Variants in AP5M1 observed in about 807,000 individuals in gnomAD.
AP5M1 encodes the protein AP-5 complex subunit mu-1.
AP5M1 carries 44 observed loss-of-function variants against 52.3 expected under a neutral mutation model. The observed-to-expected ratio is 0.84, with a 90% confidence interval of 0.66 to 1.08. AP5M1 has a LOEUF of 1.08. Among genes scored for constraint, AP5M1 ranks in the 50% least tolerant of loss-of-function variants. The pLI is 0.00. For missense variants in AP5M1, 526 were observed against 568.4 expected, an observed-to-expected ratio of 0.93 and a Z score of 0.76; for synonymous variants, 213 against 199.0, an observed-to-expected ratio of 1.07 and a Z score of -0.59.
chr14:57,270,794 A>G (rs1884877294), intron 1 of AP5M1, among the ~76,000 whole-genome samples: 1 of 152,068 alleles, frequency 6.6e-6, no homozygotes. Context: ...CATTGTATGC[A>G]TTTTTCAAAT....
Position 57,297,257 on chromosome 14 carries a change from A to G in AP5M1, c.*8373A>G, listed in dbSNP as rs925767479. On this transcript the variant is annotated 3_prime_UTR_variant, in exon 8 of 8. Coordinates refer to ENST00000261558, the MANE Select transcript of AP5M1 (RefSeq NM_018229.4). ...CTAAATTAAATACAAAAAAACTCCT[A>G]CATACTAACTATATGTTTCTCCCAC... The G allele has an allele frequency of 6.6e-6, 1 of 152,050 alleles. No individual in the cohort carries two copies. Among genetic ancestry groups the G allele is most frequent in the African/African-American group, 2.4e-5 (1 of 41,422 alleles). 9.4% of individuals were successfully genotyped at this position (152,050 alleles called of 1,614,324 possible).
At position 57,282,147 on chromosome 14, in the gene AP5M1, G is replaced by A. The variant is rs747585708; in HGVS notation, c.1007G>A (p.Arg336Lys). Residue 336 changes from arginine to lysine, a missense_variant, in exon 4 of 8, where the codon AGA becomes AAA. By Grantham distance (26) the Arg-to-Lys change is conservative. Coordinates refer to ENST00000261558, the MANE Select transcript of AP5M1 (RefSeq NM_018229.4). Reference sequence around the variant, plus strand: ...ATGAAGGAGGAAGAAGTACAACTAAGAATAACCATTAATTTAAAACTTCAT... The same window carrying A: ...ATGAAGGAGGAAGAAGTACAACTAAAAATAACCATTAATTTAAAACTTCAT... The part of the protein sequence containing the change: ...YQMKEEEVQL[R>K]ITINLKLHES... The A allele has an allele frequency of 1.3e-6, 2 of 1,583,722 alleles. No individual in the cohort carries two copies. The highest frequency in any genetic ancestry group is 3.7e-5 in the Admixed American group (2 of 53,444).
At chr14:57,277,083 C>A (rs1393887226) in intron 2 of AP5M1, among the ~76,000 whole-genome samples, 1 of 151,480 alleles carries the variant, frequency 6.6e-6, no homozygotes, top group Non-Finnish European at 1.5e-5. Context: ...GAAAGTTACA[C>A]AATTTTGTGA....
Position 57,290,496 on chromosome 14 carries a change from T to C in AP5M1, c.*1612T>C, listed in dbSNP as rs1161096818. On this transcript the variant is annotated 3_prime_UTR_variant, in exon 8 of 8. Coordinates refer to ENST00000261558, the MANE Select transcript of AP5M1 (RefSeq NM_018229.4). ...ATGGAGCCATTTGGAATCTTGATTG[T>C]ATAAATGTTTACCAAATACACTAAG... 6.6e-6 allele frequency: 1 copy of C among 151,982 alleles called. No homozygotes were observed. Among genetic ancestry groups the C allele is most frequent in the Non-Finnish European group, 1.5e-5 (1 of 67,930 alleles). 9.4% of individuals were successfully genotyped at this position (151,982 alleles called of 1,614,324 possible).
chr14:57,273,594 C>G (rs1263058555), intron 1 of AP5M1: 1 of 578,812 alleles, frequency 1.7e-6, no homozygotes, highest in African/African-American at 1.9e-5. Context: ...GCTTACAGTT[C>G]AACTCAGAAT....
At chr14:57,278,924 G>A (rs899101203) in intron 2 of AP5M1, among the ~76,000 whole-genome samples, 10 of 152,086 alleles carry the variant, frequency 6.6e-5, no homozygotes, top group African/African-American at 2.4e-4. Flanking sequence ...CAAAAAACAT[G>A]ATAAAAAGCT....
rs1387363288 is a variant in AP5M1 at position 57,274,416 on chromosome 14, A to G, written c.247A>G (p.Ile83Val). The G allele has an allele frequency of 1.1e-5, 17 of 1,614,136 alleles. No homozygotes were observed. Among genetic ancestry groups the G allele is most frequent in the South Asian group, 3.3e-5 (3 of 91,078 alleles). Residue 83 changes from isoleucine to valine, a missense_variant, in exon 2 of 8, where the codon ATT (isoleucine) becomes GTT (valine). By Grantham distance (29) the Ile-to-Val change is conservative (BLOSUM62 3). Transcript: ENST00000261558. ...CTGTTCACGCATCAATAAAACATCC[A>G]TTTATGGACTCCTGATAGGAGGTGA... ...DSCSRINKTS[I>V]YGLLIGGEEL...
chr14:57,280,381 C>T lies in AP5M1; in HGVS notation c.907C>T (p.Pro303Ser), dbSNP rs1885142741. The T allele has an allele frequency of 2.5e-6, 4 of 1,613,698 alleles. No individual in the cohort carries two copies. The highest frequency in any genetic ancestry group is 2.2e-5 in the South Asian group (2 of 91,078). ...FSGPYKFPFT[P>S]PLESFNLCFY... ...TGGGCCTTACAAATTTCCATTCACTCCACCTTTAGAGTCATTCAACTTATG... is the reference window on the plus strand; with the variant it reads ...TGGGCCTTACAAATTTCCATTCACTTCACCTTTAGAGTCATTCAACTTATG... The change falls in exon 3 of 8, where the codon CCA becomes TCA. Residue 303 changes from proline (P) to serine (S), a missense_variant. Transcript: ENST00000261558.
At chr14:57,279,461 T>C (rs893566193) in intron 2 of AP5M1, among the ~76,000 whole-genome samples, 6 of 152,074 alleles carry the variant, frequency 3.9e-5, no homozygotes, top group Non-Finnish European at 8.8e-5. Context: ...TTGTCACTTA[T>C]AAGTGGGAGC....
intron 2 of AP5M1, among the ~76,000 whole-genome samples, chr14:57,276,092 T>TA (rs1236545175): frequency 6.6e-6 from 1 of 152,152 alleles, no homozygotes; most frequent in Non-Finnish European, 1.5e-5. Context: ...TGTTTAACGT[T>TA]AAAGTTACCT....
intron 1 of AP5M1, among the ~76,000 whole-genome samples, chr14:57,271,683 A>G (rs1311054277): frequency 1.3e-5 from 2 of 152,200 alleles, no homozygotes; most frequent in Non-Finnish European, 2.9e-5. Flanking sequence ...TTTTGATGCA[A>G]TCAAACTAGT....
intron 2 of AP5M1, among the ~76,000 whole-genome samples, chr14:57,275,636 A>G (rs1055297638): frequency 2.0e-5 from 3 of 152,188 alleles, no homozygotes; most frequent in African/African-American, 7.2e-5. Flanking sequence ...GTAATGTCAA[A>G]TAACTTCAGA....
At position 57,292,934 on chromosome 14, in the gene AP5M1, A is replaced by G. The variant is rs752215413; in HGVS notation, c.*4050A>G. 1 of 151,664 alleles carries G rather than the reference A, an allele frequency of 6.6e-6. No individual in the cohort carries two copies. The highest frequency in any genetic ancestry group is 2.4e-5 in the African/African-American group (1 of 41,378). 9.4% of individuals were successfully genotyped at this position (151,664 alleles called of 1,614,324 possible). ...AGGAGCTTCTTGTGTTTCCATTATA[A>G]GAATAATTGCATTCATTTTCAGAAT... On this transcript the variant is annotated 3_prime_UTR_variant, in exon 8 of 8. Coordinates refer to ENST00000261558, the MANE Select transcript of AP5M1 (RefSeq NM_018229.4).
Position 57,294,052 on chromosome 14 carries a change from A to G in AP5M1, c.*5168A>G, listed in dbSNP as rs1469124873. 2 of 151,828 alleles carry G rather than the reference A, an allele frequency of 1.3e-5. No homozygotes were observed. Among genetic ancestry groups the G allele is most frequent in the Non-Finnish European group, 2.9e-5 (2 of 67,810 alleles). The allele number at this position is 151,828 out of a possible 1,614,324, so 9.4% of individuals were successfully genotyped here. On this transcript the variant is annotated 3_prime_UTR_variant, in exon 8 of 8. Transcript: ENST00000261558. ...ATGGATATAACATTAGTGTTTGTGT[A>G]TAGCCTGGAACAATACAAGGCTGTA...
intron 1 of AP5M1, among the ~76,000 whole-genome samples, chr14:57,272,711 T>C (rs1022352648): frequency 8.5e-5 from 13 of 152,152 alleles, no homozygotes; most frequent in African/African-American, 3.1e-4. Context: ...GACTAGAGTT[T>C]AGTCCAGAGA....
chr14:57,287,256 T>G lies in AP5M1; in HGVS notation c.1390+937T>G, dbSNP rs1885332145. Among the ~76,000 whole-genome samples, 2 of 152,116 alleles carry G rather than the reference T, an allele frequency of 1.3e-5. 1 individual carries two copies. The highest frequency in any genetic ancestry group is 4.1e-4 in the South Asian group (2 of 4,832). ...TTATTATTATAGTTAGATAAATATT[T>G]CTTAAACTAAGGATTAGGGTTCCTA... is the stretch of plus-strand genomic sequence containing the variant. On this transcript the variant is annotated intron_variant, in intron 7 of 7. Transcript: ENST00000261558.
In AP5M1 at chr14:57,296,920, A is replaced by G. The variant is rs1885565473; in HGVS notation, c.*8036A>G. 1 of 152,070 alleles carries G rather than the reference A, an allele frequency of 6.6e-6. No individual in the cohort carries two copies. The highest frequency in any genetic ancestry group is 1.5e-5 in the Non-Finnish European group (1 of 67,994). The allele number at this position is 152,070 out of a possible 1,614,324, so 9.4% of individuals were successfully genotyped here. A position where few individuals can be genotyped will look rare whatever the true frequency, so the allele number is the denominator to read the frequency against. ...CTGCAGTGTATTAGCATTGTAGCGT[A>G]GGAGACTATTTCTGTATGTTATTAG... On this transcript the variant is annotated 3_prime_UTR_variant, in exon 8 of 8. Transcript: ENST00000261558.
Position 57,290,557 on chromosome 14 carries a change from G to T in AP5M1, c.*1673G>T, listed in dbSNP as rs2139700188. On this transcript the variant is annotated 3_prime_UTR_variant, in exon 8 of 8. Transcript: ENST00000261558. ...GGCATTTATCTAGTGAGTAGGCAAAGATTTAATATAATAATCCCCTAGGCA... is the reference window on the plus strand; with the variant it reads ...GGCATTTATCTAGTGAGTAGGCAAATATTTAATATAATAATCCCCTAGGCA... The T allele has an allele frequency of 6.6e-6, 1 of 151,970 alleles. No individual in the cohort carries two copies. The highest frequency in any genetic ancestry group is 2.1e-4 in the South Asian group (1 of 4,822). The allele number at this position is 151,970 out of a possible 1,614,324, so 9.4% of individuals were successfully genotyped here.
intron 3 of AP5M1, among the ~76,000 whole-genome samples, chr14:57,281,788 G>A (rs1229123328): frequency 6.6e-6 from 1 of 152,242 alleles, no homozygotes; most frequent in Non-Finnish European, 1.5e-5. Context: ...CAGGTTGGCA[G>A]TAATCAGTAT....
Sources: gnomAD v4.1 joint callset for allele counts (sites outside exome capture counted in the v4.1 genomes callset) on GRCh38, gnomAD v4.1.1 for gene constraint, MANE v1.5 for transcripts, NCBI Gene and HGNC (gene_info 2026-07-23, HGNC 2026-07-21) for gene names.